CHRD: variants seen among roughly 807,000 people sequenced by gnomAD.
The protein encoded by CHRD is chordin.
In CHRD, 69 loss-of-function variants were observed where a neutral mutation model predicts 113.7. That is an observed-to-expected ratio of 0.61 (90% CI 0.50 to 0.74). The LOEUF is 0.74. Among genes scored for constraint, CHRD ranks in the 30% least tolerant of loss-of-function variants. The probability of loss-of-function intolerance (pLI) is 0.00; values close to 1 mark genes in which losing one functional copy is unlikely to be tolerated. For missense variants in CHRD, 1,194 were observed against 1,295.8 expected (o/e 0.92, Z 1.21); for synonymous variants, 561 against 540.8 (o/e 1.04, Z -0.52).
exon 14 of CHRD, chr3:184,385,185 C>A: frequency 6.2e-7 from 1 of 1,614,134 alleles, no homozygotes; most frequent in Non-Finnish European, 8.5e-7. Context: ...CCTCCTTGGG[C>A]CTCCTGGAAC....
downstream of CHRD, chr3:184,390,521 T>G (rs1385170882): frequency 6.6e-6 from 1 of 152,000 alleles, no homozygotes; most frequent in East Asian, 2.0e-4. Flanking sequence ...GAATCAGCTC[T>G]GATCCAGCTT....
Position 184,388,823 on chromosome 3 carries a change from G to A in CHRD, c.2710-70G>A. The A allele has an allele frequency of 2.5e-6, 4 of 1,603,978 alleles. No individual in the cohort carries two copies. The highest frequency in any genetic ancestry group is 3.4e-6 in the Non-Finnish European group (4 of 1,172,382). On this transcript the variant is annotated intron_variant, in intron 21 of 22. Transcript: ENST00000204604. This position sits in a 1 kb window ranked among gnomAD's most constrained non-coding sequence, Gnocchi z 6.1. The stretch of plus-strand genomic sequence containing the variant: ...GGGAGACCTTCCCAGGGAGGTCCCT[G>A]AAGAAGCTGAAGGTCACTGTGTCCC...
rs1388438430 is a variant in CHRD, at chr3:184,381,802, A to G, written c.598A>G (p.Ile200Val). The change falls in exon 5 of 23, where the codon ATC becomes GTC. Residue 200 changes from isoleucine (I) to valine (V), a missense_variant. Ile to Val is a conservative substitution (Grantham distance 29). Coordinates refer to ENST00000204604, the Ensembl canonical transcript of CHRD. This position sits in a 1 kb window ranked among gnomAD's most constrained non-coding sequence, Gnocchi z 4.7. ...GCTGCGCTCTAGCCTCCGCTTCTCT[A>G]TCTCCTACAGGCGGTGAGAAAGGGG... 6.8e-6 allele frequency: 11 copies of G among 1,613,068 alleles called. No homozygotes were observed. The highest frequency in any genetic ancestry group is 5.3e-5 in the African/African-American group (4 of 74,904).
Position 184,380,702 on chromosome 3 carries a change from C to G in CHRD, c.159C>G (p.Phe53Leu). Residue 53 changes from phenylalanine (F) to leucine (L), a missense_variant, in exon 2 of 23, where the codon TTC becomes TTG. Transcript: ENST00000204604. The surrounding 1 kb of genome is among the most constrained non-coding windows in gnomAD (Gnocchi z 6.3). The stretch of plus-strand genomic sequence containing the variant: ...AGCCCGTCCCCGCAGGCTGCACCTT[C>G]GGCGGGAAGGTCTATGCCTTGGACG... 1 of 1,587,924 alleles carries G rather than the reference C, an allele frequency of 6.3e-7. No individual in the cohort carries two copies. The highest frequency in any genetic ancestry group is 1.7e-5 in the Admixed American group (1 of 57,924).
At chr3:184,385,196 G>A (rs202079204) in exon 14 of CHRD, 17 of 1,614,082 alleles carry the variant, frequency 1.1e-5, no homozygotes, top group Non-Finnish European at 1.4e-5. Flanking sequence ...CTCCTGGAAC[G>A]CCAGGGCCTC....
Position 184,381,090 on chromosome 3 carries a change from G to A in CHRD, c.253-145G>A, listed in dbSNP as rs1715295294. The A allele has an allele frequency of 7.5e-6, 7 of 931,374 alleles. No homozygotes were observed. In the East Asian group the frequency reaches 1.5e-4, roughly 19 times the overall value. The allele number at this position is 931,374 out of a possible 1,614,324, so 57.7% of individuals were successfully genotyped here. A position where few individuals can be genotyped will look rare whatever the true frequency, so the allele number is the denominator to read the frequency against. On this transcript the variant is annotated intron_variant, in intron 2 of 22. Transcript: ENST00000204604. The surrounding 1 kb of genome is among the most constrained non-coding windows in gnomAD (Gnocchi z 4.7). The stretch of plus-strand genomic sequence containing the variant: ...CCATTTTCCAGACAGGGACCTTGAG[G>A]CCCAGAGAGATGAAGTAGCTTGTCT...
chr3:184,381,271 G>A lies in CHRD; in HGVS notation c.289G>A (p.Val97Ile). The change falls in exon 3 of 23, where the codon GTC becomes ATC. Residue 97 changes from valine (V) to isoleucine (I), a missense_variant. Physicochemically the swap from Val to Ile is conservative, Grantham distance 29 (BLOSUM62 3). Transcript: ENST00000204604. The surrounding 1 kb of genome is among the most constrained non-coding windows in gnomAD (Gnocchi z 4.7). ...TCGCCGTACCAGGGGCCCTGGCAGGGTCAGCTGCAAGAACATCAAACCAGA... is the reference window on the plus strand; with the variant it reads ...TCGCCGTACCAGGGGCCCTGGCAGGATCAGCTGCAAGAACATCAAACCAGA... The A allele has an allele frequency of 6.2e-7, 1 of 1,613,372 alleles. No homozygotes were observed. The highest frequency in any genetic ancestry group is 8.5e-7 in the Non-Finnish European group (1 of 1,179,944).
exon 23 of CHRD, chr3:184,389,568 G>A (rs1255379353): frequency 1.0e-5 from 7 of 694,102 alleles, no homozygotes; most frequent in Non-Finnish European, 2.5e-6. Context: ...ACTACCTCTG[G>A]GAACCACAGC....
chr3:184,384,853 G>T lies in CHRD; in HGVS notation c.1597+160G>T. 1.7e-6 allele frequency: 2 copies of T among 1,202,532 alleles called. No individual in the cohort carries two copies. The highest frequency in any genetic ancestry group is 2.3e-6 in the Non-Finnish European group (2 of 862,448). The allele number at this position is 1,202,532 out of a possible 1,614,324, so 74.5% of individuals were successfully genotyped here. On this transcript the variant is annotated intron_variant, in intron 13 of 22. Coordinates refer to ENST00000204604, the Ensembl canonical transcript of CHRD. The surrounding 1 kb of genome is among the most constrained non-coding windows in gnomAD (Gnocchi z 4.4). The stretch of plus-strand genomic sequence containing the variant: ...GTGGCCCTGCTGGCGGACTCTTCCT[G>T]TTGCTGAGGTTCAAGGGTCTAAAAC...
exon 7 of CHRD, chr3:184,382,474 C>T (rs1441784185): frequency 9.3e-6 from 15 of 1,613,984 alleles, no homozygotes; most frequent in African/African-American, 1.3e-5. Context: ...GTGACACTCA[C>T]TCACCCTTCA....
chr3:184,381,399 G>C lies in CHRD; in HGVS notation c.382+35G>C. 1.9e-6 allele frequency: 3 copies of C among 1,595,918 alleles called. No homozygotes were observed. The highest frequency in any genetic ancestry group is 2.6e-6 in the Non-Finnish European group (3 of 1,171,994). ...GCTCCGCCCTGCGGGGAGGGAGGCA[G>C]GGCCACGATACTAGGTCCCGGGCCA... On this transcript the variant is annotated intron_variant, in intron 3 of 22. Coordinates refer to ENST00000204604, the Ensembl canonical transcript of CHRD. The surrounding 1 kb of genome is among the most constrained non-coding windows in gnomAD (Gnocchi z 4.7).
chr3:184,381,956 G>A lies in CHRD; in HGVS notation c.635G>A (p.Arg212His), dbSNP rs746178513. ...AGGCTGGACCGCCCTACCAGGATCC[G>A]CTTCTCAGACTCCAATGGCAGTGTC... Residue 212 changes from arginine to histidine, a missense_variant, in exon 6 of 23, where the codon CGC becomes CAC. Coordinates refer to ENST00000204604, the Ensembl canonical transcript of CHRD. The surrounding 1 kb of genome is among the most constrained non-coding windows in gnomAD (Gnocchi z 4.7). The A allele has an allele frequency of 6.2e-7, 1 of 1,614,136 alleles. No individual in the cohort carries two copies. The highest frequency in any genetic ancestry group is 2.2e-5 in the East Asian group (1 of 44,886).
rs1011705872 is a variant in CHRD, at chr3:184,384,822, T to C, written c.1597+129T>C. 7 of 1,328,480 alleles carry C rather than the reference T, an allele frequency of 5.3e-6. No individual in the cohort carries two copies. Among genetic ancestry groups the C allele is most frequent in the African/African-American group, 4.4e-5 (3 of 68,172 alleles). The allele number at this position is 1,328,480 out of a possible 1,614,324, so 82.3% of individuals were successfully genotyped here. A position where few individuals can be genotyped will look rare whatever the true frequency, so the allele number is the denominator to read the frequency against. ...CGGTTGCCATCTGAAGGTGGGGACA[T>C]ATAGGGTGGCCCTGCTGGCGGACTC... On this transcript the variant is annotated intron_variant, in intron 13 of 22. Coordinates refer to ENST00000204604, the Ensembl canonical transcript of CHRD. This position sits in a 1 kb window ranked among gnomAD's most constrained non-coding sequence, Gnocchi z 4.4.
Position 184,381,213 on chromosome 3 carries a change from T to C in CHRD, c.253-22T>C. 11 of 1,612,844 alleles carry C rather than the reference T, an allele frequency of 6.8e-6. No individual in the cohort carries two copies. Among genetic ancestry groups the C allele is most frequent in the Non-Finnish European group, 9.3e-6 (11 of 1,179,934 alleles). On this transcript the variant is annotated intron_variant, in intron 2 of 22. Coordinates refer to ENST00000204604, the Ensembl canonical transcript of CHRD. The surrounding 1 kb of genome is among the most constrained non-coding windows in gnomAD (Gnocchi z 4.7). ...GTTGGCATCTTGCACTCACTTGGGT[T>C]TCCCGCCTTTTCCGGGAGCAGCCTC...
exon 12 of CHRD, chr3:184,383,601 G>A (rs1715814162): frequency 6.2e-7 from 1 of 1,613,736 alleles, no homozygotes; most frequent in Admixed American, 1.7e-5. Flanking sequence ...TCAGCGCACT[G>A]TCCTGTGCCA....
Position 184,380,989 on chromosome 3 carries a change from T to C in CHRD, c.252+194T>C. On this transcript the variant is annotated intron_variant, in intron 2 of 22. Coordinates refer to ENST00000204604, the Ensembl canonical transcript of CHRD. The surrounding 1 kb of genome is among the most constrained non-coding windows in gnomAD (Gnocchi z 6.3). ...ACTGATCGCCCACTCTGTGTGAGGCTCTGTGCCAACTCCGTTTCGTTCCCT... is the reference window on the plus strand; with the variant it reads ...ACTGATCGCCCACTCTGTGTGAGGCCCTGTGCCAACTCCGTTTCGTTCCCT... The C allele has an allele frequency of 1.4e-6, 1 of 733,750 alleles. No individual in the cohort carries two copies. The highest frequency in any genetic ancestry group is 2.4e-6 in the Non-Finnish European group (1 of 414,016). The allele number at this position is 733,750 out of a possible 1,614,324, so 45.5% of individuals were successfully genotyped here.
chr3:184,386,767 TG>T lies in CHRD; in HGVS notation c.2196+14del. The T allele has an allele frequency of 6.2e-7, 1 of 1,613,308 alleles. No individual in the cohort carries two copies. The highest frequency in any genetic ancestry group is 8.5e-7 in the Non-Finnish European group (1 of 1,179,832). ...TCTGCACCTGCCAGGTAGGAGGTCC[TG>T]GAAGGGCACACTGGGTCCTGGGATC... On this transcript the variant is annotated intron_variant, in intron 16 of 22. Transcript: ENST00000204604.
rs145962481 is a variant in CHRD, at chr3:184,382,955, C to T, written c.1065+17C>T. On this transcript the variant is annotated intron_variant, in intron 9 of 22. Coordinates refer to ENST00000204604, the Ensembl canonical transcript of CHRD. Reference sequence around the variant, plus strand: ...TCAGCCCAGGTGAGTGGGGATCTGGCTCTCGCTGCCACCTGTCTTGGCCTC... The same window carrying T: ...TCAGCCCAGGTGAGTGGGGATCTGGTTCTCGCTGCCACCTGTCTTGGCCTC... 2.5e-6 allele frequency: 4 copies of T among 1,613,764 alleles called. No homozygotes were observed. Among genetic ancestry groups the T allele is most frequent in the Non-Finnish European group, 3.4e-6 (4 of 1,179,890 alleles).
rs757202403 is a variant in CHRD at position 184,381,581 on chromosome 3, G to C, written c.468G>C (p.Gly156=). The change falls in exon 4 of 23, where the codon GGG becomes GGC. Residue 156 remains glycine (G), a synonymous_variant. Transcript: ENST00000204604. This position sits in a 1 kb window ranked among gnomAD's most constrained non-coding sequence, Gnocchi z 4.7. ...AGCATCGCAGTTATAGCGACCGCGG[G>C]GAGCCAGGCGCTGAGGAGCGGGCCC... 13 of 1,608,562 alleles carry C rather than the reference G, an allele frequency of 8.1e-6. No homozygotes were observed. The highest frequency in any genetic ancestry group is 1.7e-5 in the Admixed American group (1 of 59,702).
Sources: allele counts gnomAD v4.1 joint callset, GRCh38; gene constraint gnomAD v4.1.1; non-coding constraint Gnocchi (gnomAD v3.1); transcripts MANE v1.5; gene names NCBI Gene and HGNC (gene_info 2026-07-23, HGNC 2026-07-21).